The following TESK2 variants were observed in gnomAD, a reference collection of about 807,000 sequenced individuals.
TESK2 encodes the protein testis associated actin remodelling kinase 2.
Under a neutral mutation model 57.1 loss-of-function variants are expected in TESK2, and 39 were observed. That is an observed-to-expected ratio of 0.68 (90% CI 0.53 to 0.89). TESK2 has a LOEUF of 0.89. Among genes scored for constraint, TESK2 ranks in the 40% least tolerant of loss-of-function variants. TESK2 has a pLI of 0.00. For missense variants in TESK2, 646 were observed against 732.1 expected, an observed-to-expected ratio of 0.88 and a Z score of 1.36; for synonymous variants, 249 against 267.9, an observed-to-expected ratio of 0.93 and a Z score of 0.69.
chr1:45,488,671 C>T (rs957454048), intron 1 of TESK2, among the ~76,000 whole-genome samples: 4 of 152,160 alleles, frequency 2.6e-5, no homozygotes, highest in African/African-American at 4.8e-5. Context: ...TCTTTATGTA[C>T]CTGGCATATA....
chr1:45,488,931 G>A (rs935822557), intron 1 of TESK2, among the ~76,000 whole-genome samples: 4 of 152,132 alleles, frequency 2.6e-5, no homozygotes, highest in African/African-American at 9.7e-5. Flanking sequence ...GGAGGCCGGG[G>A]AAGGCAGATA....
intron 4 of TESK2, among the ~76,000 whole-genome samples, chr1:45,381,860 C>CT (rs748886310): frequency 0.043 from 3,958 of 91,912 alleles, 253 homozygotes; most frequent in African/African-American, 0.13. Context: ...CATTCCTATT[C>CT]TTTTTTTTTT....
chr1:45,483,350 C>A (rs1162585447), intron 1 of TESK2, among the ~76,000 whole-genome samples: 1 of 151,516 alleles, frequency 6.6e-6, no homozygotes, highest in Non-Finnish European at 1.5e-5. Context: ...AATCCCAGCA[C>A]TTTGGGAGGC....
At position 45,391,242 on chromosome 1, in the gene TESK2, G is replaced by A. The variant is rs548957230; in HGVS notation, c.345-5282C>T. Among the ~76,000 whole-genome samples, 22 of 137,636 alleles carry A rather than the reference G, an allele frequency of 1.6e-4. No homozygotes were observed. In the East Asian group the frequency reaches 4.5e-3, roughly 28 times the overall value. 90.3% of individuals were successfully genotyped at this position (137,636 alleles called of 152,430 possible). A position where few individuals can be genotyped will look rare whatever the true frequency, so the allele number is the denominator to read the frequency against. Reference sequence around the variant, plus strand: ...TTTTTTTTTTTTTTTTTTTGAGACAGGGTCTTGCTTTGTTGTCCAGGCTGG... The same window carrying A: ...TTTTTTTTTTTTTTTTTTTGAGACAAGGTCTTGCTTTGTTGTCCAGGCTGG... On this transcript the variant is annotated intron_variant, in intron 3 of 10. Coordinates refer to ENST00000372086, the MANE Select transcript of TESK2 (RefSeq NM_007170.3).
intron 1 of TESK2, among the ~76,000 whole-genome samples, chr1:45,489,192 A>G (rs1461092733): frequency 1.3e-5 from 2 of 151,572 alleles, no homozygotes; most frequent in African/African-American, 2.4e-5. Context: ...AGCACGTGAC[A>G]TTGATAGTCA....
intron 4 of TESK2, among the ~76,000 whole-genome samples, chr1:45,368,531 G>T (rs1244303993): frequency 6.6e-6 from 1 of 151,052 alleles, no homozygotes; most frequent in Non-Finnish European, 1.5e-5. Flanking sequence ...CTGCCACCAC[G>T]CCCGGCTAAT....
chr1:45,366,553 T>C (rs994469575), intron 4 of TESK2, among the ~76,000 whole-genome samples: 5 of 152,112 alleles, frequency 3.3e-5, no homozygotes, highest in Non-Finnish European at 5.9e-5. Context: ...GGTGCCACTT[T>C]AGCATCCTGC....
intron 4 of TESK2, among the ~76,000 whole-genome samples, chr1:45,358,140 C>T (rs1364043676): frequency 3.3e-5 from 5 of 151,692 alleles, no homozygotes; most frequent in East Asian, 3.9e-4. Flanking sequence ...GCTGAATCCC[C>T]GTCTCTACTA....
intron 2 of TESK2, among the ~76,000 whole-genome samples, chr1:45,441,133 T>C (rs1330837212): frequency 1.3e-5 from 2 of 151,724 alleles, no homozygotes; most frequent in Non-Finnish European, 2.9e-5. Context: ...AATCACTACA[T>C]TTGTGGTAAT....
chr1:45,369,097 T>C (rs756362479), intron 4 of TESK2, among the ~76,000 whole-genome samples: 7 of 152,080 alleles, frequency 4.6e-5, no homozygotes, highest in Admixed American at 1.3e-4. Context: ...AACTAGTAAA[T>C]AGTACAGCTT....
intron 6 of TESK2, 57 bp downstream of exon 6, chr1:45,347,861 T>A: frequency 6.6e-7 from 1 of 1,504,602 alleles, no homozygotes; most frequent in East Asian, 2.3e-5. Context: ...GGCTAGAATT[T>A]TCCCTTAGCT....
At chr1:45,448,252 A>AG (rs1434194694) in intron 2 of TESK2, among the ~76,000 whole-genome samples, 2 of 149,774 alleles carry the variant, frequency 1.3e-5, no homozygotes, top group East Asian at 3.9e-4. Context: ...AAAAAAAAAA[A>AG]AAAGAAAAAA....
At chr1:45,419,675 G>A (rs1323939713) in intron 3 of TESK2, among the ~76,000 whole-genome samples, 2 of 152,030 alleles carry the variant, frequency 1.3e-5, no homozygotes, top group African/African-American at 2.4e-5. Flanking sequence ...GTGTGATGGC[G>A]AGTGTCTGTA....
At chr1:45,420,880 G>C (rs1212133833) in intron 3 of TESK2, among the ~76,000 whole-genome samples, 1 of 151,996 alleles carries the variant, frequency 6.6e-6, no homozygotes, top group African/African-American at 2.4e-5. Flanking sequence ...GAGCCATCGC[G>C]CCCAGCCAAA....
At position 45,420,223 on chromosome 1, in the gene TESK2, G is replaced by A. The variant is rs76554341; in HGVS notation, c.344+1502C>T. On this transcript the variant is annotated intron_variant, in intron 3 of 10. Coordinates refer to ENST00000372086, the MANE Select transcript of TESK2 (RefSeq NM_007170.3). ...CACAGTGAGACCTTATCTCATTTAA[G>A]AAAAATTTTTTTTAACAAAATCATT... 3.5e-3 allele frequency among the ~76,000 whole-genome samples: 528 copies of A among 152,240 alleles called. 7 individuals are homozygous for A. The highest frequency in any genetic ancestry group is 0.031 in the East Asian group (162 of 5,188).
At chr1:45,411,823 T>C (rs1400991692) in intron 3 of TESK2, among the ~76,000 whole-genome samples, 3 of 152,168 alleles carry the variant, frequency 2.0e-5, no homozygotes, top group South Asian at 2.1e-4. Context: ...TGCCACGATC[T>C]CAGGGAATTG....
At chr1:45,434,230 G>C (rs1651096008) in intron 2 of TESK2, among the ~76,000 whole-genome samples, 1 of 152,098 alleles carries the variant, frequency 6.6e-6, no homozygotes, top group Non-Finnish European at 1.5e-5. Context: ...CGGAGCTCAA[G>C]CAATCGCACC....
At chr1:45,385,710 GTATATATATATA>G (rs754585734) in intron 4 of TESK2, among the ~76,000 whole-genome samples, 190 bp downstream of exon 4, 2 of 135,298 alleles carry the variant, frequency 1.5e-5, no homozygotes, top group African/African-American at 5.9e-5. Context: ...GTGTGTGTGT[GTATATATATATA>G]TATATATATA....
chr1:45,460,008 T>C (rs1652266715), intron 1 of TESK2, among the ~76,000 whole-genome samples: 1 of 151,990 alleles, frequency 6.6e-6, no homozygotes, highest in Non-Finnish European at 1.5e-5. Context: ...AGGAGCTAAA[T>C]CTTGAGTTCA....
Sources: gnomAD v4.1 joint callset for allele counts (sites outside exome capture counted in the v4.1 genomes callset) on GRCh38, gnomAD v4.1.1 for gene constraint, MANE v1.5 for transcripts, NCBI Gene and HGNC (gene_info 2026-07-23, HGNC 2026-07-21) for gene names.